The following HMGB1 variants were observed in gnomAD, a reference collection of about 807,000 sequenced individuals.
HMGB1 encodes the protein high mobility group box 1.
For missense variants in HMGB1, 79 were observed against 253.5 expected, an observed-to-expected ratio of 0.31 and a Z score of 4.67; for synonymous variants, 81 against 84.0, an observed-to-expected ratio of 0.96 and a Z score of 0.19.
chr13:30,594,508 G>C (rs180799181), intron 1 of HMGB1, among the ~76,000 whole-genome samples: 1 of 152,180 alleles, frequency 6.6e-6, no homozygotes, highest in African/African-American at 2.4e-5. Flanking sequence ...CGTTAGTTCC[G>C]TTAGGATAAT....
At chr13:30,607,064 T>C (rs1189039150) in intron 1 of HMGB1, among the ~76,000 whole-genome samples, 3 of 152,228 alleles carry the variant, frequency 2.0e-5, no homozygotes, top group African/African-American at 7.2e-5. Context: ...GCCACTTGCT[T>C]ACAGTGATGG....
At chr13:30,513,461 T>C (rs17074684) in intron 1 of HMGB1, among the ~76,000 whole-genome samples, 15,580 of 152,238 alleles carry the variant, frequency 0.1, 1,207 homozygotes, top group African/African-American at 0.2. Context: ...ACATCTTCTC[T>C]ATGGCACGAT....
At chr13:30,512,359 G>C (rs755791162) in intron 1 of HMGB1, among the ~76,000 whole-genome samples, 14 of 152,144 alleles carry the variant, frequency 9.2e-5, no homozygotes, top group Non-Finnish European at 1.9e-4. Flanking sequence ...GGTCAGAAAA[G>C]GGAACCCAAG....
At chr13:30,592,869 T>A (rs549372170) in intron 1 of HMGB1, among the ~76,000 whole-genome samples, 383 of 149,024 alleles carry the variant, frequency 2.6e-3, no homozygotes, top group African/African-American at 9.3e-3. Context: ...AGTGCTTTTT[T>A]TTAAAAAAAA....
At chr13:30,500,484 C>A (rs985215776) in intron 1 of HMGB1, among the ~76,000 whole-genome samples, 1 of 151,618 alleles carries the variant, frequency 6.6e-6, no homozygotes, top group Non-Finnish European at 1.5e-5. Context: ...ATCCTCCCCA[C>A]TCAGCCTCCC....
intron 1 of HMGB1, among the ~76,000 whole-genome samples, chr13:30,541,428 C>G (rs1868879574): frequency 6.8e-6 from 1 of 146,402 alleles, no homozygotes; most frequent in African/African-American, 2.8e-5. Flanking sequence ...CTAATCCTAC[C>G]TGGATAGTGC....
At chr13:30,495,480 CTTTT>C (rs68170969) in intron 1 of HMGB1, among the ~76,000 whole-genome samples, 3 of 134,484 alleles carry the variant, frequency 2.2e-5, no homozygotes, top group Non-Finnish European at 1.6e-5. Context: ...TTTTTCTTTT[CTTTT>C]TTTTTTTTTT....
chr13:30,563,553 C>T lies in HMGB1; in HGVS notation c.-15+53118G>A, dbSNP rs750793532. On this transcript the variant is annotated intron_variant, in intron 1 of 4. Coordinates refer to the HMGB1 transcript ENST00000405805. ...GAGCCCAAGCAGGTTGAGGCTGCAG[C>T]GTGCTGTGACTGTGCCACTGCACTC... Among the ~76,000 whole-genome samples, 20 of 152,226 alleles carry T rather than the reference C, an allele frequency of 1.3e-4. No homozygotes were observed. In the East Asian group the frequency reaches 2.5e-3, roughly 19 times the overall value.
At chr13:30,567,866 G>GC (rs1870257055) in intron 1 of HMGB1, among the ~76,000 whole-genome samples, 1 of 152,168 alleles carries the variant, frequency 6.6e-6, no homozygotes, top group South Asian at 2.1e-4. Context: ...AATGTAGTTA[G>GC]CAAGTCCTGG....
chr13:30,481,089 G>C (rs1887216295), intron 1 of HMGB1, among the ~76,000 whole-genome samples: 1 of 151,616 alleles, frequency 6.6e-6, no homozygotes, highest in Non-Finnish European at 1.5e-5. Context: ...ATGTAAACTT[G>C]CAGGTAGAAA....
intron 1 of HMGB1, chr13:30,554,181 C>T (rs1429292631): frequency 1.7e-5 from 24 of 1,399,234 alleles, no homozygotes; most frequent in Non-Finnish European, 2.3e-5. Flanking sequence ...GAAACCAGAA[C>T]AATATCTCAC....
At chr13:30,601,343 T>C (rs1005771855) in intron 1 of HMGB1, among the ~76,000 whole-genome samples, 2 of 152,238 alleles carry the variant, frequency 1.3e-5, no homozygotes, top group African/African-American at 4.8e-5. Flanking sequence ...CTGTTTGGTG[T>C]CTCTTCACAT....
chr13:30,565,498 C>A (rs1204606500), intron 1 of HMGB1, among the ~76,000 whole-genome samples: 5 of 152,240 alleles, frequency 3.3e-5, no homozygotes, highest in African/African-American at 7.2e-5. Flanking sequence ...TGTGCCCAAA[C>A]TGCCTAAATA....
At chr13:30,504,779 A>G (rs1380394584) in intron 1 of HMGB1, among the ~76,000 whole-genome samples, 1 of 150,694 alleles carries the variant, frequency 6.6e-6, no homozygotes, top group African/African-American at 2.5e-5. Flanking sequence ...GTAATACCAG[A>G]TAATACTGGC....
At chr13:30,596,756 G>C (rs1212038122) in intron 1 of HMGB1, among the ~76,000 whole-genome samples, 5 of 152,156 alleles carry the variant, frequency 3.3e-5, no homozygotes, top group Admixed American at 2.0e-4. Flanking sequence ...ACTAACAATA[G>C]TGCATGATGT....
At position 30,505,475 on chromosome 13, in the gene HMGB1, A is replaced by T. The variant is rs909577865; in HGVS notation, c.-14-41781T>A. Among the ~76,000 whole-genome samples the T allele has an allele frequency of 1.3e-5, 2 of 151,774 alleles. 1 individual carries two copies. The highest frequency in any genetic ancestry group is 4.8e-5 in the African/African-American group (2 of 41,330). ...TTACAGGTGTAAGCCACCGCGCCCA[A>T]CCATTTTTATATTTTTAATAGAGAT... is the stretch of plus-strand genomic sequence containing the variant. On this transcript the variant is annotated intron_variant, in intron 1 of 4. Transcript: ENST00000405805.
Position 30,461,296 on chromosome 13 carries a change from T to C in HMGB1, c.*61A>G. Reference sequence around the variant, plus strand: ...AATTTTTTTCTTTAAAAGGAGTGAGTTGTGTACAGGGGGGTTAAATGCTTT... The same window carrying C: ...AATTTTTTTCTTTAAAAGGAGTGAGCTGTGTACAGGGGGGTTAAATGCTTT... On this transcript the variant is annotated 3_prime_UTR_variant, in exon 5 of 5. Transcript: ENST00000341423. The C allele has an allele frequency of 6.6e-7, 1 of 1,510,324 alleles. No individual in the cohort carries two copies. The highest frequency in any genetic ancestry group is 1.4e-5 in the African/African-American group (1 of 70,250). 93.6% of individuals were successfully genotyped at this position (1,510,324 alleles called of 1,614,324 possible).
In HMGB1 at chr13:30,559,511, T is replaced by C. The variant is rs1418639644; in HGVS notation, c.-15+57160A>G. ...CTCTGTCCACACCTCTTCAGCAATA[T>C]GGCATATTGCAAAGTAGTGTTCAGA... On this transcript the variant is annotated intron_variant, in intron 1 of 4. Transcript: ENST00000405805. This position sits in a 1 kb window ranked among gnomAD's most constrained non-coding sequence, Gnocchi z 6.6. 1.3e-5 allele frequency among the ~76,000 whole-genome samples: 2 copies of C among 152,226 alleles called. No homozygotes were observed. The highest frequency in any genetic ancestry group is 4.8e-5 in the African/African-American group (2 of 41,452).
Position 30,560,177 on chromosome 13 carries a change from AC to A in HMGB1, c.-15+56493del, listed in dbSNP as rs200675288. ...GAATGAATGAATAAGAAAAGAGGAC[AC>A]CCCCAAAGAGGCTGCAAGGGAAAAA... On this transcript the variant is annotated intron_variant, in intron 1 of 4. Transcript: ENST00000405805. 9.8e-3 allele frequency among the ~76,000 whole-genome samples: 1,485 copies of A among 152,238 alleles called. 6 individuals carry two copies. Among genetic ancestry groups the A allele is most frequent in the Non-Finnish European group, 0.012 (817 of 68,020 alleles).
Sources: allele counts gnomAD v4.1 joint callset (sites outside exome capture counted in the v4.1 genomes callset), GRCh38; gene constraint gnomAD v4.1.1; non-coding constraint Gnocchi (gnomAD v3.1); transcripts MANE v1.5; gene names NCBI Gene and HGNC (gene_info 2026-07-23, HGNC 2026-07-21).